The following METTL16 variants were observed in gnomAD, a reference collection of about 807,000 sequenced individuals.
METTL16 encodes RNA N(6)-adenosine-methyltransferase METTL16.
In METTL16, 19 loss-of-function variants were observed where a neutral mutation model predicts 57.9. The ratio of observed to expected loss-of-function variants is 0.33; its 90% CI spans 0.23 to 0.48. The LOEUF (loss-of-function observed/expected upper bound fraction) is 0.48, where lower values mean the gene tolerates loss of function less well. Among genes scored for constraint, METTL16 ranks in the 20% least tolerant of loss-of-function variants. The probability of loss-of-function intolerance (pLI) is 0.99; values close to 1 mark genes in which losing one functional copy is unlikely to be tolerated. For synonymous variants in METTL16, 246 were observed against 255.6 expected, an observed-to-expected ratio of 0.96 and a Z score of 0.36; for missense variants, 434 against 691.5, an observed-to-expected ratio of 0.63 and a Z score of 4.18.
At chr17:2,479,161 G>GGTTTTGTTTT (rs563805995) in intron 2 of METTL16, among the ~76,000 whole-genome samples, 1 of 151,682 alleles carries the variant, frequency 6.6e-6, no homozygotes, top group South Asian at 2.1e-4. Flanking sequence ...GGTTTTTGTG[G>GGTTTTGTTTT]GTTTTGTTTT....
At chr17:2,448,802 TAAAAAAAAAAAAA>T (rs71150866) in intron 6 of METTL16, among the ~76,000 whole-genome samples, 4 of 43,622 alleles carry the variant, frequency 9.2e-5, no homozygotes, top group East Asian at 1.3e-3. Context: ...AAATAAAATT[TAAAAAAAAAAAAA>T]AAAAAAAAAA....
intron 8 of METTL16, among the ~76,000 whole-genome samples, chr17:2,429,505 C>A (rs981561296): frequency 6.7e-6 from 1 of 150,274 alleles, no homozygotes; most frequent in African/African-American, 2.5e-5. Context: ...AAACATTTAT[C>A]CGGCTTTACT....
At position 2,420,604 on chromosome 17, in the gene METTL16, G is replaced by A; in HGVS notation, c.1063-8C>T. ...AACTCGTTTATGCTGGACCTGTTTG[G>A]AGGAAAAACAGAATTTTGTGGGAAA... On this transcript the variant is annotated splice_polypyrimidine_tract_variant and splice_region_variant and intron_variant, in intron 9 of 9. Transcript: ENST00000263092. The surrounding 1 kb of genome is among the most constrained non-coding windows in gnomAD (Gnocchi z 5.4). The A allele has an allele frequency of 6.3e-7, 1 of 1,582,526 alleles. No individual in the cohort carries two copies. The highest frequency in any genetic ancestry group is 2.2e-5 in the East Asian group (1 of 44,594).
intron 2 of METTL16, among the ~76,000 whole-genome samples, chr17:2,489,115 T>A (rs1313357622): frequency 6.6e-6 from 1 of 151,318 alleles, no homozygotes; most frequent in Admixed American, 6.6e-5. Flanking sequence ...TTCATTCTTT[T>A]TTTTTTATTT....
chr17:2,466,636 T>A (rs1289785319), intron 5 of METTL16, among the ~76,000 whole-genome samples: 1 of 152,224 alleles, frequency 6.6e-6, no homozygotes, highest in African/African-American at 2.4e-5. Flanking sequence ...AAGTCCCTTT[T>A]ATCACATGGG....
chr17:2,488,812 T>C (rs933354924), intron 2 of METTL16, among the ~76,000 whole-genome samples: 3 of 152,244 alleles, frequency 2.0e-5, no homozygotes, highest in African/African-American at 7.2e-5. Context: ...TGGGACATTC[T>C]ACGTTGCGTT....
rs1318023945 is a variant in METTL16 at position 2,482,977 on chromosome 17, CA to C, written c.129-5093del. Among the ~76,000 whole-genome samples the C allele has an allele frequency of 3.3e-5, 5 of 150,282 alleles. No individual in the cohort carries two copies. In the South Asian group the frequency reaches 6.3e-4, roughly 19 times the overall value. On this transcript the variant is annotated intron_variant, in intron 2 of 9. Coordinates refer to ENST00000263092, the MANE Select transcript of METTL16 (RefSeq NM_024086.4). ...GATAAATAATATAATCAAATAAAAT[CA>C]GGGGCAGTAAAGGAAAGGTAGGTGA...
intron 8 of METTL16, among the ~76,000 whole-genome samples, chr17:2,432,373 A>T (rs1272561108): frequency 6.6e-6 from 1 of 152,074 alleles, no homozygotes; most frequent in Admixed American, 6.5e-5. Flanking sequence ...TTCAAGACCA[A>T]CCTGGGCAAC....
intron 8 of METTL16, among the ~76,000 whole-genome samples, chr17:2,433,264 C>T (rs1038191439): frequency 6.6e-6 from 1 of 152,148 alleles, no homozygotes; most frequent in Non-Finnish European, 1.5e-5. Flanking sequence ...GCTCTGACTT[C>T]GGCACCATGG....
intron 3 of METTL16, among the ~76,000 whole-genome samples, chr17:2,473,998 GT>G (rs1240745885): frequency 6.6e-6 from 1 of 152,090 alleles, no homozygotes; most frequent in African/African-American, 2.4e-5. Flanking sequence ...GGGTTCCCTA[GT>G]CATTCGTGTA....
intron 8 of METTL16, among the ~76,000 whole-genome samples, chr17:2,430,029 G>C (rs1214413605): frequency 6.6e-6 from 1 of 151,226 alleles, no homozygotes; most frequent in Non-Finnish European, 1.5e-5. Flanking sequence ...GGCCAGGCTA[G>C]TCTCAAACTC....
At chr17:2,458,482 G>C (rs982346677) in intron 6 of METTL16, among the ~76,000 whole-genome samples, 14 of 152,066 alleles carry the variant, frequency 9.2e-5, no homozygotes, top group South Asian at 2.1e-4. Context: ...GAGGCCAAGG[G>C]GGGCAGATCA....
At chr17:2,484,498 CT>C (rs879698312) in intron 2 of METTL16, among the ~76,000 whole-genome samples, 225 of 144,066 alleles carry the variant, frequency 1.6e-3, no homozygotes, top group Admixed American at 2.8e-3. Flanking sequence ...CTACTCTGTT[CT>C]TTTTTTTTTT....
In METTL16 at chr17:2,425,702, T is replaced by C. The variant is rs563876152; in HGVS notation, c.889-4798A>G. 3.3e-5 allele frequency among the ~76,000 whole-genome samples: 5 copies of C among 152,206 alleles called. No individual in the cohort carries two copies. The East Asian group carries it at 9.6e-4, about 29-fold the overall frequency. On this transcript the variant is annotated intron_variant, in intron 8 of 9. Transcript: ENST00000263092. ...AAATTTCTTTTCTTGTCTTTTTTTTTTTGAGACAGGGTCATGCTCTGGCAC... is the reference window on the plus strand; with the variant it reads ...AAATTTCTTTTCTTGTCTTTTTTTTCTTGAGACAGGGTCATGCTCTGGCAC...
At chr17:2,428,527 C>CAA (rs533793602) in intron 8 of METTL16, among the ~76,000 whole-genome samples, 1 of 21,074 alleles carries the variant, frequency 4.7e-5, no homozygotes, top group Non-Finnish European at 8.3e-5. Flanking sequence ...GACTCCGTCT[C>CAA]AAAAAAAAAA....
chr17:2,462,241 G>A (rs1392506101), intron 6 of METTL16, among the ~76,000 whole-genome samples: 2 of 152,172 alleles, frequency 1.3e-5, no homozygotes, highest in East Asian at 1.9e-4. Flanking sequence ...GACAAATACT[G>A]TATGATTCCA....
In METTL16 at chr17:2,416,888, A is replaced by G. The variant is rs1405619891; in HGVS notation, c.*3082T>C. 1.3e-5 allele frequency: 2 copies of G among 152,254 alleles called. No homozygotes were observed. The highest frequency in any genetic ancestry group is 3.9e-4 in the East Asian group (2 of 5,194). 9.4% of individuals were successfully genotyped at this position (152,254 alleles called of 1,614,324 possible). A position where few individuals can be genotyped will look rare whatever the true frequency, so the allele number is the denominator to read the frequency against. ...GGTATATGCTATGAAACAACACACA[A>G]TTATAAAGCATATGCATGACCAAAA... On this transcript the variant is annotated 3_prime_UTR_variant, in exon 10 of 10. Coordinates refer to ENST00000263092, the MANE Select transcript of METTL16 (RefSeq NM_024086.4).
At chr17:2,488,248 T>C (rs1042409723) in intron 2 of METTL16, among the ~76,000 whole-genome samples, 1 of 152,078 alleles carries the variant, frequency 6.6e-6, no homozygotes, top group African/African-American at 2.4e-5. Context: ...TGGAATACTA[T>C]TCTGCCTTTA....
intron 1 of METTL16, among the ~76,000 whole-genome samples, chr17:2,510,489 T>C (rs1735683645): frequency 6.6e-6 from 1 of 152,172 alleles, no homozygotes; most frequent in Non-Finnish European, 1.5e-5. Flanking sequence ...GTGAAACAAA[T>C]TAAATTACAG....
Sources: gnomAD v4.1 joint callset for allele counts (sites outside exome capture counted in the v4.1 genomes callset) on GRCh38, gnomAD v4.1.1 for gene constraint, Gnocchi (gnomAD v3.1) non-coding constraint, MANE v1.5 for transcripts, NCBI Gene and HGNC (gene_info 2026-07-23, HGNC 2026-07-21) for gene names.